Variants in RABGAP1L observed in about 807,000 individuals in gnomAD.
RABGAP1L encodes the protein RAB GTPase activating protein 1 like.
In RABGAP1L, 63 loss-of-function variants were observed where a neutral mutation model predicts 137.7. The ratio of observed to expected loss-of-function variants is 0.46; its 90% CI spans 0.37 to 0.56. The LOEUF is 0.56. Ranked by LOEUF, RABGAP1L falls within the 20% of genes least tolerant of loss-of-function variation. The probability of loss-of-function intolerance (pLI) is 0.00; values close to 1 mark genes in which losing one functional copy is unlikely to be tolerated. For missense variants in RABGAP1L, 1,095 were observed against 1,244.0 expected (o/e 0.88, Z 1.80); for synonymous variants, 431 against 433.7 (o/e 0.99, Z 0.08).
At chr1:174,330,115 C>T (rs948278556) in intron 11 of RABGAP1L, among the ~76,000 whole-genome samples, 9 of 151,996 alleles carry the variant, frequency 5.9e-5, no homozygotes, top group East Asian at 1.9e-4. Context: ...TCAAGTTGTC[C>T]CTGTTTGCAG....
intron 18 of RABGAP1L, among the ~76,000 whole-genome samples, chr1:174,753,346 G>C (rs772982435): frequency 2.6e-5 from 4 of 152,190 alleles, no homozygotes; most frequent in Non-Finnish European, 4.4e-5. Flanking sequence ...TGGTATCATA[G>C]GAGGACCTCT....
At chr1:174,961,895 G>A (rs772003394) in intron 20 of RABGAP1L, among the ~76,000 whole-genome samples, 11 of 147,368 alleles carry the variant, frequency 7.5e-5, no homozygotes, top group Middle Eastern at 3.6e-3. Flanking sequence ...AGCAGCTCAC[G>A]CCTGTAATCC....
chr1:174,416,814 C>T (rs763167765), intron 13 of RABGAP1L, among the ~76,000 whole-genome samples: 46 of 152,066 alleles, frequency 3.0e-4, no homozygotes, highest in African/African-American at 1.0e-3. Context: ...ATGTGCATTA[C>T]GTATGTGTTA....
chr1:174,877,338 TTCTTTC>T (rs978866345), intron 19 of RABGAP1L: 5 of 1,400,282 alleles, frequency 3.6e-6, no homozygotes, highest in African/African-American at 2.9e-5. Context: ...CGCTTTTTTT[TTCTTTC>T]TCTTTCTTTC....
chr1:174,576,666 A>G (rs188964528), intron 13 of RABGAP1L, among the ~76,000 whole-genome samples: 19 of 152,254 alleles, frequency 1.2e-4, no homozygotes, highest in Admixed American at 1.2e-3. Flanking sequence ...TATGCTGTTT[A>G]TGTTTAAGTA....
At chr1:174,570,298 A>G (rs1481868617) in intron 13 of RABGAP1L, among the ~76,000 whole-genome samples, 1 of 152,166 alleles carries the variant, frequency 6.6e-6, no homozygotes, top group Non-Finnish European at 1.5e-5. Context: ...TTTCAGATAG[A>G]CTAGGTTTTT....
chr1:174,561,735 C>A (rs1379063868), intron 13 of RABGAP1L, among the ~76,000 whole-genome samples: 1 of 152,184 alleles, frequency 6.6e-6, no homozygotes, highest in Admixed American at 6.5e-5. Context: ...CTTTGACAAA[C>A]CTGACAAAAG....
chr1:174,824,087 C>T (rs1188849507), intron 19 of RABGAP1L, among the ~76,000 whole-genome samples: 1 of 151,984 alleles, frequency 6.6e-6, no homozygotes, highest in African/African-American at 2.4e-5. Flanking sequence ...GTCAGGAGTT[C>T]GAGACCAGCT....
chr1:174,548,345 G>GCT, intron 13 of RABGAP1L: 1 of 1,131,888 alleles, frequency 8.8e-7, no homozygotes, highest in African/African-American at 1.6e-5. Context: ...TTTTTAAAGT[G>GCT]CTCTATTACC....
chr1:174,556,528 T>G (rs193294307), intron 13 of RABGAP1L, among the ~76,000 whole-genome samples: 1 of 152,326 alleles, frequency 6.6e-6, no homozygotes, highest in East Asian at 1.9e-4. Flanking sequence ...TTCTCTTTTA[T>G]CAAATGGTTG....
chr1:174,808,145 G>A (rs569285195), intron 18 of RABGAP1L, among the ~76,000 whole-genome samples: 2 of 151,592 alleles, frequency 1.3e-5, no homozygotes, highest in Non-Finnish European at 2.9e-5. Flanking sequence ...CACCATGCCC[G>A]GCTAAAATTT....
intron 14 of RABGAP1L, among the ~76,000 whole-genome samples, chr1:174,678,896 C>T (rs1488875332): frequency 2.0e-5 from 3 of 152,304 alleles, no homozygotes; most frequent in Non-Finnish European, 2.9e-5. Context: ...CTGCCCTATC[C>T]GGAGGGATGG....
chr1:174,308,121 A>G (rs571172377), intron 11 of RABGAP1L, among the ~76,000 whole-genome samples: 85 of 152,044 alleles, frequency 5.6e-4, no homozygotes, highest in Non-Finnish European at 8.7e-4. Context: ...CTTTTGAGAA[A>G]TGTCTATTTA....
chr1:174,847,183 C>CTTGCCAG (rs1350125995), intron 19 of RABGAP1L, among the ~76,000 whole-genome samples: 2 of 149,704 alleles, frequency 1.3e-5, no homozygotes, highest in African/African-American at 4.9e-5. Flanking sequence ...CTTTATCCAA[C>CTTGCCAG]TTGCCAGTCT....
At chr1:174,319,753 G>T (rs1344487833) in intron 11 of RABGAP1L, among the ~76,000 whole-genome samples, 5 of 152,116 alleles carry the variant, frequency 3.3e-5, no homozygotes, top group South Asian at 2.1e-4. Flanking sequence ...TTTTTATCAT[G>T]AATAAGTATT....
intron 11 of RABGAP1L, among the ~76,000 whole-genome samples, chr1:174,329,273 C>A (rs1680812635): frequency 2.0e-5 from 3 of 152,058 alleles, no homozygotes; most frequent in African/African-American, 7.2e-5. Flanking sequence ...TACAACCTAC[C>A]AAGCTTGAGT....
intron 13 of RABGAP1L, among the ~76,000 whole-genome samples, chr1:174,526,349 G>T (rs61826885): frequency 0.025 from 3,765 of 152,172 alleles, 61 homozygotes; most frequent in Non-Finnish European, 0.041. Context: ...GGTAATGCTG[G>T]ATTCATGATA....
chr1:174,609,729 T>C (rs1288924616), intron 13 of RABGAP1L, among the ~76,000 whole-genome samples: 1 of 152,198 alleles, frequency 6.6e-6, no homozygotes, highest in Non-Finnish European at 1.5e-5. Context: ...AATTTGCTTC[T>C]AACAGTGTTT....
In RABGAP1L at chr1:174,525,021, T is replaced by C. The variant is rs78635153; in HGVS notation, c.1711-112354T>C. Among the ~76,000 whole-genome samples, 491 of 152,298 alleles carry C rather than the reference T, an allele frequency of 3.2e-3. 5 individuals are homozygous for C. The highest frequency in any genetic ancestry group is 0.011 in the African/African-American group (478 of 41,580). ...GTCTTTTTGTCTGTTGTTGTGCTAT[T>C]CCCATGCTGTTTTGGTTACTATGGT... On this transcript the variant is annotated intron_variant, in intron 13 of 25. Coordinates refer to ENST00000681986, the MANE Select transcript of RABGAP1L (RefSeq NM_001366446.1).
Sources: allele counts gnomAD v4.1 joint callset (sites outside exome capture counted in the v4.1 genomes callset), GRCh38; gene constraint gnomAD v4.1.1; transcripts MANE v1.5; gene names NCBI Gene and HGNC (gene_info 2026-07-23, HGNC 2026-07-21).